The following ASIC2 variants were observed in gnomAD, a reference collection of about 807,000 sequenced individuals.
ASIC2 encodes acid sensing ion channel subunit 2.
Under a neutral mutation model 57.3 loss-of-function variants are expected in ASIC2, and 25 were observed. The ratio of observed to expected loss-of-function variants is 0.44; its 90% confidence interval spans 0.32 to 0.61. The LOEUF is 0.61. Among genes scored for constraint, ASIC2 ranks in the 20% least tolerant of loss-of-function variants. ASIC2 has a pLI of 0.06. For synonymous variants in ASIC2, 319 were observed against 307.5 expected (o/e 1.04, Z -0.39); for missense variants, 641 against 738.1 (o/e 0.87, Z 1.52).
At chr17:33,531,231 T>C (rs146344322) in intron 1 of ASIC2, among the ~76,000 whole-genome samples, 1 of 152,066 alleles carries the variant, frequency 6.6e-6, no homozygotes, top group Non-Finnish European at 1.5e-5. Context: ...ATAGAACTCC[T>C]GGCAGAACCA....
At chr17:33,879,006 T>A (rs899994843) in intron 1 of ASIC2, among the ~76,000 whole-genome samples, 9 of 152,148 alleles carry the variant, frequency 5.9e-5, no homozygotes, top group African/African-American at 2.2e-4. Flanking sequence ...CCAGCCAAGC[T>A]AAGCTTCATA....
chr17:33,420,837 C>A (rs750355744), intron 1 of ASIC2, among the ~76,000 whole-genome samples: 7 of 152,236 alleles, frequency 4.6e-5, no homozygotes, highest in Non-Finnish European at 8.8e-5. Flanking sequence ...GCCTGCCATG[C>A]CACAGGATGA....
At chr17:33,058,241 A>T (rs1268941400) in intron 3 of ASIC2, among the ~76,000 whole-genome samples, 1 of 152,090 alleles carries the variant, frequency 6.6e-6, no homozygotes, top group Non-Finnish European at 1.5e-5. Flanking sequence ...AGGCTGGTAA[A>T]CCGAGGCACA....
At chr17:33,709,011 G>A (rs1451802636) in intron 1 of ASIC2, among the ~76,000 whole-genome samples, 1 of 152,198 alleles carries the variant, frequency 6.6e-6, no homozygotes, top group Non-Finnish European at 1.5e-5. Context: ...TCTGGGTCAA[G>A]ATATATCCTG....
intron 1 of ASIC2, among the ~76,000 whole-genome samples, chr17:33,304,012 G>C (rs950119505): frequency 6.6e-6 from 1 of 152,088 alleles, no homozygotes; most frequent in Non-Finnish European, 1.5e-5. Flanking sequence ...CAAAGTAAAA[G>C]TACAAAATAA....
At chr17:33,630,115 A>G (rs1339849272) in intron 1 of ASIC2, among the ~76,000 whole-genome samples, 1 of 152,132 alleles carries the variant, frequency 6.6e-6, no homozygotes, top group Non-Finnish European at 1.5e-5. Flanking sequence ...TGTTTCTGCA[A>G]CTTGCATCTG....
At chr17:33,728,133 G>A (rs1909622424) in intron 1 of ASIC2, among the ~76,000 whole-genome samples, 1 of 151,990 alleles carries the variant, frequency 6.6e-6, no homozygotes, top group African/African-American at 2.4e-5. Context: ...GCTCCTGCTG[G>A]CCCACATCTG....
At chr17:33,663,052 T>G (rs537225717) in intron 1 of ASIC2, among the ~76,000 whole-genome samples, 5 of 152,312 alleles carry the variant, frequency 3.3e-5, no homozygotes. Flanking sequence ...CGCATGCGCC[T>G]GCACGCACAC....
intron 1 of ASIC2, among the ~76,000 whole-genome samples, chr17:33,399,445 G>C (rs1432530682): frequency 1.3e-5 from 2 of 151,860 alleles, no homozygotes; most frequent in Non-Finnish European, 2.9e-5. Flanking sequence ...TTCCCCCTCT[G>C]TCTCCCTCTT....
intron 1 of ASIC2, among the ~76,000 whole-genome samples, chr17:33,539,361 A>T (rs554045380): frequency 3.0e-4 from 45 of 152,360 alleles, no homozygotes; most frequent in Admixed American, 4.6e-4. Flanking sequence ...TTCTTGCCCT[A>T]CAATGGTGCT....
chr17:33,049,371 T>C (rs1456088919), intron 3 of ASIC2, among the ~76,000 whole-genome samples: 1 of 150,326 alleles, frequency 6.7e-6, no homozygotes, highest in East Asian at 1.9e-4. Flanking sequence ...TATCTCACTG[T>C]TTGAGAATTT....
intron 1 of ASIC2, among the ~76,000 whole-genome samples, chr17:33,691,184 T>C (rs1480903493): frequency 6.6e-6 from 1 of 152,242 alleles, no homozygotes; most frequent in Non-Finnish European, 1.5e-5. Flanking sequence ...TGCAAAAATA[T>C]TATTTTATGT....
chr17:33,506,611 T>C (rs1473977791), intron 1 of ASIC2, among the ~76,000 whole-genome samples: 1 of 152,172 alleles, frequency 6.6e-6, no homozygotes, highest in Non-Finnish European at 1.5e-5. Context: ...ACACAATCTG[T>C]AGTGTAGCAT....
intron 1 of ASIC2, among the ~76,000 whole-genome samples, chr17:33,790,791 C>T (rs546932929): frequency 1.6e-4 from 25 of 152,176 alleles, no homozygotes; most frequent in Non-Finnish European, 3.4e-4. Context: ...ATGATGATGA[C>T]GATCTAACAA....
chr17:33,782,762 T>A (rs894749872), intron 1 of ASIC2, among the ~76,000 whole-genome samples: 2 of 152,144 alleles, frequency 1.3e-5, no homozygotes, highest in Non-Finnish European at 2.9e-5. Flanking sequence ...AATAAAAATA[T>A]GAGCTGATCA....
intron 1 of ASIC2, among the ~76,000 whole-genome samples, chr17:34,008,050 G>C (rs1285886452): frequency 6.6e-6 from 1 of 152,126 alleles, no homozygotes; most frequent in Non-Finnish European, 1.5e-5. Context: ...CTGGGAAGGT[G>C]GCTCATGTGC....
chr17:33,223,956 A>G (rs1316744109), intron 1 of ASIC2, among the ~76,000 whole-genome samples: 1 of 152,218 alleles, frequency 6.6e-6, no homozygotes, highest in African/African-American at 2.4e-5. Context: ...CACAGACACC[A>G]GATTTTTGCA....
At chr17:33,979,231 C>CA (rs1353856943) in intron 1 of ASIC2, among the ~76,000 whole-genome samples, 1 of 152,102 alleles carries the variant, frequency 6.6e-6, no homozygotes, top group East Asian at 1.9e-4. Flanking sequence ...GTCTTGGGGG[C>CA]ACAAGAGTGA....
At chr17:33,571,707 T>C (rs973642721) in intron 1 of ASIC2, among the ~76,000 whole-genome samples, 1 of 152,260 alleles carries the variant, frequency 6.6e-6, no homozygotes, top group Non-Finnish European at 1.5e-5. Context: ...TGGAAGTGTA[T>C]AATTTGTTTG....
Sources: allele counts gnomAD v4.1 joint callset (sites outside exome capture counted in the v4.1 genomes callset), GRCh38; gene constraint gnomAD v4.1.1; transcripts MANE v1.5; gene names NCBI Gene and HGNC (gene_info 2026-07-23, HGNC 2026-07-21).